ITGA8: variants seen among roughly 807,000 people sequenced by gnomAD.
The protein encoded by ITGA8 is integrin subunit alpha 8.
In ITGA8, 91 loss-of-function variants were observed where a neutral mutation model predicts 142.3. That is an observed-to-expected ratio of 0.64 (90% CI 0.54 to 0.76). The LOEUF is 0.76. ITGA8 is among the 30% of genes least tolerant of loss of function. ITGA8 has a pLI of 0.00. For synonymous variants in ITGA8, 505 were observed against 485.2 expected (o/e 1.04, Z -0.54); for missense variants, 1,406 against 1,327.7 (o/e 1.06, Z -0.92).
rs1834200219 is a variant in ITGA8 at position 15,572,298 on chromosome 10, A to G, written c.2550T>C (p.Asp850=). 6 of 1,614,032 alleles carry G rather than the reference A, an allele frequency of 3.7e-6. No homozygotes were observed. In the East Asian group the frequency reaches 1.3e-4, roughly 36 times the overall value. Residue 850 remains aspartate (D), a synonymous_variant, in exon 25 of 30, where the codon GAT becomes GAC. Coordinates refer to ENST00000378076, the MANE Select transcript of ITGA8 (RefSeq NM_003638.3). ...TATGGAAAATATAGAGAAGAAATTC[A>G]TCCCGGGCAGAGAAAGGCCAGCCCA... is the stretch of plus-strand genomic sequence containing the variant. ...LEVGWPFSAR[D]EFLLYIFHIQ... is the part of the protein sequence containing the mutation.
At chr10:15,705,999 C>T (rs1835251315) in intron 2 of ITGA8, among the ~76,000 whole-genome samples, 1 of 152,146 alleles carries the variant, frequency 6.6e-6, no homozygotes, top group African/African-American at 2.4e-5. Context: ...TCTCTTCATC[C>T]ACACTCACTC....
chr10:15,675,872 A>T (rs115080013), intron 6 of ITGA8, among the ~76,000 whole-genome samples: 1 of 152,166 alleles, frequency 6.6e-6, no homozygotes, highest in African/African-American at 2.4e-5. Context: ...TTAAATTTCT[A>T]TGTCTCAGAC....
intron 28 of ITGA8, among the ~76,000 whole-genome samples, chr10:15,530,400 G>C (rs1248761430): frequency 6.6e-6 from 1 of 152,004 alleles, no homozygotes; most frequent in Non-Finnish European, 1.5e-5. Context: ...ACAAAAATTA[G>C]CTGGGCGTGG....
intron 25 of ITGA8, 47 bp downstream of exon 25, chr10:15,572,164 C>A: frequency 6.9e-7 from 1 of 1,452,668 alleles, no homozygotes; most frequent in Non-Finnish European, 9.3e-7. Flanking sequence ...TTTTTTCATA[C>A]CATAAAAATA....
In ITGA8 at chr10:15,702,677, G is replaced by A. The variant is rs146505767; in HGVS notation, c.344-14639C>T. 3.9e-3 allele frequency among the ~76,000 whole-genome samples: 591 copies of A among 152,274 alleles called. 5 individuals carry two copies. Among genetic ancestry groups the A allele is most frequent in the African/African-American group, 0.013 (561 of 41,558 alleles). ...TGGGTTAACTTTCTTTCTGTTCCCT[G>A]TTGAGTCTCATTCCATGGCCTTCTT... is the stretch of plus-strand genomic sequence containing the variant. On this transcript the variant is annotated intron_variant, in intron 2 of 29. Coordinates refer to ENST00000378076, the MANE Select transcript of ITGA8 (RefSeq NM_003638.3).
At chr10:15,678,148 C>T (rs1401985600) in intron 5 of ITGA8, among the ~76,000 whole-genome samples, 1 of 152,096 alleles carries the variant, frequency 6.6e-6, no homozygotes, top group Non-Finnish European at 1.5e-5. Flanking sequence ...TTTCGTGCCT[C>T]ATATCTTTAA....
intron 13 of ITGA8, among the ~76,000 whole-genome samples, chr10:15,640,678 C>A (rs1037995958): frequency 2.0e-5 from 3 of 152,166 alleles, no homozygotes; most frequent in African/African-American, 7.2e-5. Flanking sequence ...TGGGTGGAAA[C>A]TGGCAACAGC....
intron 23 of ITGA8, among the ~76,000 whole-genome samples, chr10:15,582,238 CA>C (rs938112820): frequency 1.3e-5 from 2 of 151,402 alleles, no homozygotes; most frequent in Non-Finnish European, 2.9e-5. Flanking sequence ...GACCCTGTCT[CA>C]AAAAAAAGAA....
chr10:15,685,113 A>C (rs1834812101), intron 3 of ITGA8, among the ~76,000 whole-genome samples: 1 of 152,220 alleles, frequency 6.6e-6, no homozygotes, highest in Non-Finnish European at 1.5e-5. Context: ...AAAGTCAGTA[A>C]GAGAGCATGT....
intron 2 of ITGA8, among the ~76,000 whole-genome samples, chr10:15,694,159 A>G (rs996885802): frequency 9.1e-5 from 13 of 143,578 alleles, no homozygotes; most frequent in African/African-American, 3.4e-4. Flanking sequence ...ATATCAGATA[A>G]TATATCATAT....
At chr10:15,636,814 G>A (rs1380981417) in intron 13 of ITGA8, among the ~76,000 whole-genome samples, 3 of 152,140 alleles carry the variant, frequency 2.0e-5, no homozygotes, top group South Asian at 2.1e-4. Context: ...AGGGAGCAGC[G>A]TGTTCCTTTT....
chr10:15,658,260 G>A (rs1161445770), intron 10 of ITGA8, among the ~76,000 whole-genome samples: 2 of 152,194 alleles, frequency 1.3e-5, no homozygotes, highest in Non-Finnish European at 2.9e-5. Context: ...AGTCTAATCT[G>A]TCAGCTGCAG....
chr10:15,558,855 T>A (rs1238660552), intron 25 of ITGA8, among the ~76,000 whole-genome samples: 1 of 152,308 alleles, frequency 6.6e-6, no homozygotes, highest in South Asian at 2.1e-4. Flanking sequence ...CCATGCTGGG[T>A]CCATCTGCTG....
chr10:15,577,127 T>C (rs878932201), intron 23 of ITGA8, among the ~76,000 whole-genome samples: 1 of 152,134 alleles, frequency 6.6e-6, no homozygotes, highest in Non-Finnish European at 1.5e-5. Context: ...CCATTGTCCA[T>C]TGTGAGGTTC....
intron 11 of ITGA8, among the ~76,000 whole-genome samples, chr10:15,650,390 T>G (rs963587496): frequency 2.0e-5 from 3 of 152,150 alleles, no homozygotes; most frequent in African/African-American, 7.2e-5. Context: ...GGTAAAACTT[T>G]TAGTAGGTAA....
intron 15 of ITGA8, among the ~76,000 whole-genome samples, chr10:15,611,290 T>G (rs533118213): frequency 1.3e-5 from 2 of 152,256 alleles, no homozygotes; most frequent in East Asian, 1.9e-4. Context: ...TTCACAAATT[T>G]TGCATGTGAA....
chr10:15,583,974 GA>G (rs1007358952), intron 23 of ITGA8, among the ~76,000 whole-genome samples: 6 of 152,214 alleles, frequency 3.9e-5, no homozygotes, highest in East Asian at 3.9e-4. Flanking sequence ...ATACACTAAT[GA>G]AAAAAAGTCA....
intron 23 of ITGA8, among the ~76,000 whole-genome samples, chr10:15,577,304 T>C (rs548266978): frequency 6.6e-6 from 1 of 152,248 alleles, no homozygotes; most frequent in Non-Finnish European, 1.5e-5. Context: ...TGACAAGTAC[T>C]ATGGAGATGA....
rs9333244 is a variant in ITGA8 at position 15,530,307 on chromosome 10, G to A, written c.2982+743C>T. On this transcript the variant is annotated intron_variant, in intron 28 of 29. Coordinates refer to ENST00000378076, the MANE Select transcript of ITGA8 (RefSeq NM_003638.3). ...TTATGCCTGTAATCCCAGCACTTTC[G>A]GAGGCTGAGGCGGGCGGATCACAAG... 6.7e-3 allele frequency among the ~76,000 whole-genome samples: 1,021 copies of A among 152,164 alleles called. 11 individuals carry two copies. The highest frequency in any genetic ancestry group is 0.023 in the African/African-American group (947 of 41,528).
Sources: allele counts gnomAD v4.1 joint callset (sites outside exome capture counted in the v4.1 genomes callset), GRCh38; gene constraint gnomAD v4.1.1; transcripts MANE v1.5; gene names NCBI Gene and HGNC (gene_info 2026-07-23, HGNC 2026-07-21).